Variants in PSME4 observed in about 807,000 individuals in gnomAD.
The protein encoded by PSME4 is proteasome activator subunit 4.
In PSME4, 89 loss-of-function variants were observed where a neutral mutation model predicts 253.9. That is an observed-to-expected ratio of 0.35 (90% CI 0.30 to 0.42). The LOEUF (loss-of-function observed/expected upper bound fraction) is 0.42, where lower values mean the gene tolerates loss of function less well. PSME4 is among the 10% of genes least tolerant of loss of function. The pLI is 1.00. For missense variants in PSME4, 2,014 were observed against 2,195.2 expected, an observed-to-expected ratio of 0.92 and a Z score of 1.65; for synonymous variants, 851 against 759.2, an observed-to-expected ratio of 1.12 and a Z score of -1.99.
chr2:53,934,575 TACAGAAAACAA>T lies in PSME4; in HGVS notation c.957+19_957+29del. ...AGGTTAACACAAAATAGGCGTAAAC[TACAGAAAACAA>T]ATATAATGTATTACAAACCATCATG... On this transcript the variant is annotated intron_variant, in intron 8 of 46. Transcript: ENST00000404125. The T allele has an allele frequency of 1.9e-6, 3 of 1,588,392 alleles. No individual in the cohort carries two copies. The highest frequency in any genetic ancestry group is 1.7e-6 in the Non-Finnish European group (2 of 1,164,968).
intron 38 of PSME4, chr2:53,888,396 T>G (rs1424880486): frequency 3.9e-6 from 1 of 256,814 alleles, no homozygotes; most frequent in Non-Finnish European, 7.3e-6. Context: ...TCTTTGTATC[T>G]TTTTAACAGG....
At chr2:53,886,335 G>A (rs542228253) in intron 40 of PSME4, among the ~76,000 whole-genome samples, 83 of 152,274 alleles carry the variant, frequency 5.5e-4, no homozygotes, top group Non-Finnish European at 9.3e-4. Flanking sequence ...CTTGAGCCCC[G>A]GAGATTGAGG....
intron 4 of PSME4, 31 bp downstream of exon 4, chr2:53,939,925 A>G: frequency 6.5e-7 from 1 of 1,546,260 alleles, no homozygotes; most frequent in East Asian, 2.3e-5. Flanking sequence ...CAGAAACAAC[A>G]AGAGGCTTTA....
intron 1 of PSME4, among the ~76,000 whole-genome samples, chr2:53,956,675 C>A (rs925553543): frequency 6.6e-6 from 1 of 151,792 alleles, no homozygotes; most frequent in Non-Finnish European, 1.5e-5. Flanking sequence ...CAAGTTTAAG[C>A]GATTCTCCTG....
At chr2:53,905,455 C>G (rs1308470204) in intron 26 of PSME4, among the ~76,000 whole-genome samples, 1 of 152,110 alleles carries the variant, frequency 6.6e-6, no homozygotes, top group Non-Finnish European at 1.5e-5. Context: ...AATCCCAATA[C>G]CATGGGAGGC....
intron 1 of PSME4, among the ~76,000 whole-genome samples, chr2:53,961,821 G>A (rs1670507056): frequency 6.6e-6 from 1 of 152,178 alleles, no homozygotes; most frequent in Non-Finnish European, 1.5e-5. Flanking sequence ...GTTTTGCCAG[G>A]AGAGTACACC....
intron 2 of PSME4, among the ~76,000 whole-genome samples, chr2:53,948,801 T>G (rs1316621838): frequency 6.6e-6 from 1 of 152,198 alleles, no homozygotes; most frequent in Non-Finnish European, 1.5e-5. Flanking sequence ...TTTCATGTTT[T>G]CCCACACTAT....
intron 1 of PSME4, among the ~76,000 whole-genome samples, chr2:53,960,414 A>AG (rs1271032454): frequency 1.3e-5 from 2 of 152,086 alleles, no homozygotes; most frequent in East Asian, 3.9e-4. Context: ...AAAAAAAAAA[A>AG]AAGGCACAGG....
chr2:53,893,039 A>C, intron 35 of PSME4, 79 bp from the exon 36 acceptor site: 1 of 1,342,128 alleles, frequency 7.5e-7, no homozygotes, highest in Non-Finnish European at 1.0e-6. Flanking sequence ...TATTCTGTAC[A>C]TTACTAACGT....
At position 53,936,155 on chromosome 2, in the gene PSME4, C is replaced by T. The variant is rs1239920887; in HGVS notation, c.766G>A (p.Val256Ile). 1 of 1,613,464 alleles carries T rather than the reference C, an allele frequency of 6.2e-7. No homozygotes were observed. The highest frequency in any genetic ancestry group is 1.1e-5 in the South Asian group (1 of 91,048). ...GTAGCCAATCGAGCAAAGAGATTTA[C>T]TAGTTGCTGAAAGTAAACAAAAAGG... ...QNLPQWEGQL[V>I]NLFARLATDN... Residue 256 changes from valine (V) to isoleucine (I), a missense_variant, in exon 7 of 47, where the codon GTA becomes ATA. By Grantham distance (29) the Val-to-Ile change is conservative. Coordinates refer to ENST00000404125, the MANE Select transcript of PSME4 (RefSeq NM_014614.3).
At chr2:53,881,078 C>G (rs1251350082) in intron 41 of PSME4, among the ~76,000 whole-genome samples, 3 of 152,020 alleles carry the variant, frequency 2.0e-5, no homozygotes, top group Non-Finnish European at 4.4e-5. Flanking sequence ...CTACTAAAAA[C>G]AGTAAAATTC....
intron 20 of PSME4, among the ~76,000 whole-genome samples, chr2:53,910,939 T>C (rs970849356): frequency 3.3e-5 from 5 of 152,196 alleles, no homozygotes; most frequent in Admixed American, 2.6e-4. Flanking sequence ...CAGGCAAGCA[T>C]ATACAGAGTT....
rs1669399626 is a variant in PSME4, at chr2:53,940,958, TATATATATATATATATATATATA to T, written c.501-981_501-959del. 6.4e-4 allele frequency among the ~76,000 whole-genome samples: 32 copies of T among 49,618 alleles called. 2 individuals carry two copies. In the East Asian group the frequency reaches 8.2e-3, roughly 13 times the overall value. 32.6% of individuals were successfully genotyped at this position (49,618 alleles called of 152,430 possible). The stretch of plus-strand genomic sequence containing the variant: ...ATATATAAATATATATATACATATA[TATATATATATATATATATATATA>T]TATATATATATATATATATGAAAGG... On this transcript the variant is annotated intron_variant, in intron 3 of 46. Coordinates refer to ENST00000404125, the MANE Select transcript of PSME4 (RefSeq NM_014614.3).
At chr2:53,904,603 C>G (rs1352330065) in intron 26 of PSME4, among the ~76,000 whole-genome samples, 2 of 152,158 alleles carry the variant, frequency 1.3e-5, no homozygotes, top group African/African-American at 4.8e-5. Context: ...TTAAGGCAAA[C>G]CTTAAGTACA....
intron 1 of PSME4, among the ~76,000 whole-genome samples, chr2:53,951,587 G>A (rs1310753256): frequency 6.6e-6 from 1 of 152,170 alleles, no homozygotes; most frequent in Admixed American, 6.5e-5. Flanking sequence ...GCAATGAGAC[G>A]TGAGATCTTG....
intron 22 of PSME4, 77 bp from the exon 23 acceptor site, chr2:53,908,642 A>T: frequency 6.7e-7 from 1 of 1,496,252 alleles, no homozygotes; most frequent in Non-Finnish European, 9.0e-7. Context: ...TTAGTCAAGA[A>T]TCTATTAAGA....
rs1056867370 is a variant in PSME4, at chr2:53,887,116, T to A, written c.4729+143A>T. 3.6e-5 allele frequency: 25 copies of A among 690,022 alleles called. No individual in the cohort carries two copies. In the African/African-American group the frequency reaches 4.5e-4, roughly 12 times the overall value. 42.7% of individuals were successfully genotyped at this position (690,022 alleles called of 1,614,324 possible). On this transcript the variant is annotated intron_variant, in intron 40 of 46. Transcript: ENST00000404125. ...AGGATGTGAATGTACTTAATGCCAC[T>A]GAACTGTACACTTAAAAATGGTTAA...
chr2:53,937,554 A>C lies in PSME4; in HGVS notation c.546-14T>G, dbSNP rs1472485880. ...GCTGGAAAATATCTAATAAAAAAAG[A>C]AGGTTTTCATGTATCTGATTATTGG... On this transcript the variant is annotated splice_polypyrimidine_tract_variant and intron_variant, in intron 4 of 46. Coordinates refer to ENST00000404125, the MANE Select transcript of PSME4 (RefSeq NM_014614.3). 2.5e-6 allele frequency: 4 copies of C among 1,607,436 alleles called. No individual in the cohort carries two copies. In the South Asian group the frequency reaches 3.3e-5, roughly 13 times the overall value.
chr2:53,896,619 T>C lies in PSME4; in HGVS notation c.3688+185A>G, dbSNP rs926926127. ...TAAATATGAAGGCAGAAAGAGTCAA[T>C]CTATTTTTGTAAATAGTTATCACTA... On this transcript the variant is annotated intron_variant, in intron 32 of 46. Transcript: ENST00000404125. Among the ~76,000 whole-genome samples the C allele has an allele frequency of 2.0e-5, 3 of 152,210 alleles. No homozygotes were observed. In the East Asian group the frequency reaches 5.8e-4, roughly 29 times the overall value.
Sources: gnomAD v4.1 joint callset for allele counts (sites outside exome capture counted in the v4.1 genomes callset) on GRCh38, gnomAD v4.1.1 for gene constraint, MANE v1.5 for transcripts, NCBI Gene and HGNC (gene_info 2026-07-23, HGNC 2026-07-21) for gene names.